Variants in LRRC4C observed in about 807,000 individuals in gnomAD.
The protein encoded by LRRC4C is leucine-rich repeat-containing protein 4C.
Under a neutral mutation model 33.6 loss-of-function variants are expected in LRRC4C, and 5 were observed. The ratio of observed to expected loss-of-function variants is 0.15; its 90% CI spans 0.08 to 0.31. LRRC4C has a LOEUF of 0.31. Ranked by LOEUF, LRRC4C falls within the 10% of genes least tolerant of loss-of-function variation. LRRC4C has a pLI of 1.00. For synonymous variants in LRRC4C, 329 were observed against 302.0 expected (o/e 1.09, Z -0.93); for missense variants, 560 against 796.7 (o/e 0.70, Z 3.58).
At chr11:40,777,715 T>G in intron 2 of LRRC4C, among the ~76,000 whole-genome samples, 1 of 150,882 alleles carries the variant, frequency 6.6e-6, no homozygotes, top group African/African-American at 2.4e-5. Context: ...TGAGATGGAG[T>G]CTTTCTCTGT....
intron 1 of LRRC4C, among the ~76,000 whole-genome samples, chr11:41,177,488 C>T (rs1408011607): frequency 6.6e-6 from 1 of 152,162 alleles, no homozygotes; most frequent in African/African-American, 2.4e-5. Flanking sequence ...ACTGGTATAA[C>T]AATATAATGG....
intron 5 of LRRC4C, among the ~76,000 whole-genome samples, chr11:40,202,346 A>G (rs772976708): frequency 6.6e-6 from 1 of 151,630 alleles, no homozygotes; most frequent in Non-Finnish European, 1.5e-5. Flanking sequence ...TCCCACTCAC[A>G]CATCAGCCCC....
intron 2 of LRRC4C, among the ~76,000 whole-genome samples, chr11:40,812,795 C>T (rs1010760780): frequency 7.2e-5 from 11 of 151,926 alleles, no homozygotes; most frequent in Non-Finnish European, 7.4e-5. Context: ...AAGAGTAAGG[C>T]ACCAAAAGGC....
chr11:41,146,244 C>T (rs1158223403), intron 1 of LRRC4C, among the ~76,000 whole-genome samples: 1 of 152,170 alleles, frequency 6.6e-6, no homozygotes, highest in Non-Finnish European at 1.5e-5. Flanking sequence ...TTTAACTTTT[C>T]TCTGCATTAA....
At chr11:40,330,848 C>T (rs1049012059) in intron 3 of LRRC4C, among the ~76,000 whole-genome samples, 1 of 152,164 alleles carries the variant, frequency 6.6e-6, no homozygotes, top group African/African-American at 2.4e-5. Flanking sequence ...AACCATATCA[C>T]CTCTCTTCTA....
chr11:40,457,348 G>A (rs773484566), intron 3 of LRRC4C, among the ~76,000 whole-genome samples: 2 of 151,956 alleles, frequency 1.3e-5, no homozygotes, highest in African/African-American at 4.8e-5. Context: ...AGCAAAAAAG[G>A]TTTTAATTGT....
intron 1 of LRRC4C, among the ~76,000 whole-genome samples, chr11:41,126,659 G>T (rs1291736785): frequency 1.3e-5 from 2 of 151,804 alleles, no homozygotes; most frequent in Non-Finnish European, 2.9e-5. Flanking sequence ...GGCCCATAGG[G>T]CATCAACAAA....
chr11:40,232,097 C>T (rs1195015489), intron 5 of LRRC4C, among the ~76,000 whole-genome samples: 1 of 152,140 alleles, frequency 6.6e-6, no homozygotes, highest in Non-Finnish European at 1.5e-5. Context: ...ACCTCTGCCT[C>T]CTGGGTTCAA....
At chr11:41,004,780 C>T (rs865811166) in intron 1 of LRRC4C, among the ~76,000 whole-genome samples, 75 of 147,286 alleles carry the variant, frequency 5.1e-4, no homozygotes, top group Non-Finnish European at 9.4e-4. Flanking sequence ...GAGGCTGTGT[C>T]ACAGAAAAAA....
At chr11:41,281,078 C>CTCTCTCTCTCTCTCTCTCTT (rs1491428513) in intron 1 of LRRC4C, among the ~76,000 whole-genome samples, 1 of 83,120 alleles carries the variant, frequency 1.2e-5, no homozygotes, top group Non-Finnish European at 2.2e-5. Flanking sequence ...CTCTCTCTGT[C>CTCTCTCTCTCTCTCTCTCTT]CTCTCTCTCT....
intron 3 of LRRC4C, among the ~76,000 whole-genome samples, chr11:40,539,667 T>C (rs1306304693): frequency 6.6e-6 from 1 of 152,164 alleles, no homozygotes; most frequent in African/African-American, 2.4e-5. Flanking sequence ...CTGGTCATTC[T>C]AGGCAGAATG....
intron 1 of LRRC4C, among the ~76,000 whole-genome samples, chr11:41,186,488 T>C (rs976568636): frequency 6.6e-6 from 1 of 152,226 alleles, no homozygotes; most frequent in East Asian, 1.9e-4. Context: ...ATTAAACTTA[T>C]AGTTGGCTCA....
At chr11:40,317,782 A>G (rs1326648104) in intron 4 of LRRC4C, among the ~76,000 whole-genome samples, 3 of 152,132 alleles carry the variant, frequency 2.0e-5, no homozygotes, top group Non-Finnish European at 1.5e-5. Context: ...AAAGGTAGGA[A>G]GCAGCTTATT....
intron 1 of LRRC4C, among the ~76,000 whole-genome samples, chr11:41,314,005 T>A (rs576069122): frequency 6.6e-6 from 1 of 152,322 alleles, no homozygotes; most frequent in African/African-American, 2.4e-5. Context: ...TAAGAAACAC[T>A]AATGCCTTCA....
At chr11:40,925,146 T>TC in intron 2 of LRRC4C, among the ~76,000 whole-genome samples, 1 of 151,902 alleles carries the variant, frequency 6.6e-6, no homozygotes. Flanking sequence ...TCTCTCTCTC[T>TC]TTCCTGTGTA....
At chr11:40,388,701 A>G (rs1424336039) in intron 3 of LRRC4C, among the ~76,000 whole-genome samples, 1 of 152,210 alleles carries the variant, frequency 6.6e-6, no homozygotes, top group Admixed American at 6.5e-5. Flanking sequence ...ACTGAGCTAG[A>G]TGGAAGGAAT....
chr11:40,991,940 C>T (rs1853602801), intron 1 of LRRC4C, among the ~76,000 whole-genome samples: 1 of 152,132 alleles, frequency 6.6e-6, no homozygotes, highest in Non-Finnish European at 1.5e-5. Flanking sequence ...CAACCCAGTT[C>T]CTAAGAGGCC....
chr11:40,561,408 CTTTTTTTT>C (rs549919738), intron 3 of LRRC4C, among the ~76,000 whole-genome samples: 4 of 100,936 alleles, frequency 4.0e-5, no homozygotes, highest in Admixed American at 3.6e-4. Context: ...CTGAGGATTC[CTTTTTTTT>C]TTTTTTTTTT....
intron 1 of LRRC4C, among the ~76,000 whole-genome samples, chr11:41,067,970 T>C (rs1938382614): frequency 1.3e-5 from 2 of 151,984 alleles, no homozygotes; most frequent in Admixed American, 6.6e-5. Context: ...GATCTCCAAC[T>C]GACACCCTAA....
Sources: gnomAD v4.1 joint callset for allele counts (sites outside exome capture counted in the v4.1 genomes callset) on GRCh38, gnomAD v4.1.1 for gene constraint, MANE v1.5 for transcripts, NCBI Gene and HGNC (gene_info 2026-07-23, HGNC 2026-07-21) for gene names.